The following MAP4K3 variants were observed in gnomAD, a reference collection of about 807,000 sequenced individuals.
MAP4K3 encodes MAPK/ERK kinase kinase kinase 3.
MAP4K3 carries 94 observed loss-of-function variants against 143.5 expected under a neutral mutation model. That is an observed-to-expected ratio of 0.65 (90% CI 0.55 to 0.78). The LOEUF is 0.78. Ranked by LOEUF, MAP4K3 falls within the 30% of genes least tolerant of loss-of-function variation. MAP4K3 has a pLI of 0.00. For synonymous variants in MAP4K3, 416 were observed against 347.2 expected, an observed-to-expected ratio of 1.20 and a Z score of -2.20; for missense variants, 1,077 against 1,068.1, an observed-to-expected ratio of 1.01 and a Z score of -0.12.
chr2:39,254,401 T>G, intron 32 of MAP4K3, 49 bp downstream of exon 32: 1 of 1,426,812 alleles, frequency 7.0e-7, no homozygotes, highest in East Asian at 2.3e-5. Flanking sequence ...CTGTTTGAAG[T>G]GGAATTTGAT....
intron 4 of MAP4K3, among the ~76,000 whole-genome samples, chr2:39,338,399 A>G (rs1665042940): frequency 6.6e-6 from 1 of 152,206 alleles, no homozygotes; most frequent in South Asian, 2.1e-4. Context: ...TAAAGTTCCA[A>G]TCAATAGAAA....
chr2:39,416,037 A>G (rs1572505781), intron 1 of MAP4K3, among the ~76,000 whole-genome samples: 1 of 132,842 alleles, frequency 7.5e-6, no homozygotes, highest in Non-Finnish European at 1.6e-5. Context: ...AATTCCCTCT[A>G]TCACTATCTT....
intron 15 of MAP4K3, 35 bp from the exon 16 acceptor site, chr2:39,299,836 T>A: frequency 8.7e-7 from 1 of 1,149,230 alleles, no homozygotes; most frequent in South Asian, 1.6e-5. Context: ...AGCACAATAG[T>A]AGTATATGAC....
intron 1 of MAP4K3, among the ~76,000 whole-genome samples, chr2:39,397,219 C>T (rs1368152765): frequency 6.6e-6 from 1 of 152,106 alleles, no homozygotes; most frequent in African/African-American, 2.4e-5. Context: ...ATAGTACTCA[C>T]CAACTCCATA....
intron 13 of MAP4K3, among the ~76,000 whole-genome samples, chr2:39,312,773 A>G (rs1201896455): frequency 6.6e-6 from 1 of 152,238 alleles, no homozygotes; most frequent in Non-Finnish European, 1.5e-5. Flanking sequence ...AAACTAACAT[A>G]TACCTCATCT....
At chr2:39,352,371 T>C (rs1319428268) in intron 3 of MAP4K3, among the ~76,000 whole-genome samples, 2 of 152,192 alleles carry the variant, frequency 1.3e-5, no homozygotes, top group Non-Finnish European at 2.9e-5. Flanking sequence ...TGTCTCCATT[T>C]TCTTAACTTA....
At chr2:39,335,276 G>A (rs920779275) in intron 6 of MAP4K3, among the ~76,000 whole-genome samples, 7 of 152,096 alleles carry the variant, frequency 4.6e-5, no homozygotes, top group South Asian at 2.1e-4. Flanking sequence ...CCCTTTGGTC[G>A]CCAAGCAGAA....
intron 3 of MAP4K3, among the ~76,000 whole-genome samples, chr2:39,353,404 T>C (rs1041036854): frequency 1.3e-5 from 2 of 152,216 alleles, no homozygotes; most frequent in African/African-American, 4.8e-5. Context: ...CAAATCACTT[T>C]GATCAGCTAT....
chr2:39,258,793 C>G (rs1219630756), intron 29 of MAP4K3, among the ~76,000 whole-genome samples: 1 of 152,202 alleles, frequency 6.6e-6, no homozygotes, highest in African/African-American at 2.4e-5. Flanking sequence ...CATATGTTGG[C>G]TGTTGTCAAT....
chr2:39,341,496 A>T (rs1255335998), intron 4 of MAP4K3, among the ~76,000 whole-genome samples: 1 of 151,682 alleles, frequency 6.6e-6, no homozygotes, highest in Non-Finnish European at 1.5e-5. Flanking sequence ...ATCTCTACTA[A>T]AAATATAAAA....
chr2:39,251,374 G>T (rs951681261), intron 33 of MAP4K3, among the ~76,000 whole-genome samples: 1 of 152,182 alleles, frequency 6.6e-6, no homozygotes, highest in African/African-American at 2.4e-5. Context: ...GCTTTTAAGA[G>T]AATTCAGCTG....
In MAP4K3 at chr2:39,284,992, A is replaced by G. The variant is rs377331080; in HGVS notation, c.1587+1860T>C. On this transcript the variant is annotated intron_variant, in intron 21 of 33. Transcript: ENST00000263881. ...ACTTTAACCTCAACCTCCTGGGCTC[A>G]TGTGATTCTCCTGTCTCAGCCTCCT... 4.0e-5 allele frequency among the ~76,000 whole-genome samples: 6 copies of G among 151,898 alleles called. No individual in the cohort carries two copies. In the East Asian group the frequency reaches 1.2e-3, roughly 30 times the overall value.
intron 2 of MAP4K3, among the ~76,000 whole-genome samples, chr2:39,365,917 G>C (rs1011872939): frequency 6.6e-6 from 1 of 152,172 alleles, no homozygotes; most frequent in African/African-American, 2.4e-5. Flanking sequence ...ACATGTAAAA[G>C]TGTTTTAAAG....
intron 3 of MAP4K3, among the ~76,000 whole-genome samples, chr2:39,348,352 T>C (rs1665355570): frequency 6.6e-6 from 1 of 152,038 alleles, no homozygotes; most frequent in South Asian, 2.1e-4. Context: ...GAAAAAAAAA[T>C]CACGACTATA....
rs534078242 is a variant in MAP4K3 at position 39,374,539 on chromosome 2, G to A, written c.154+3527C>T. 5.3e-5 allele frequency among the ~76,000 whole-genome samples: 8 copies of A among 151,682 alleles called. 1 individual carries two copies. In the South Asian group the frequency reaches 1.3e-3, roughly 24 times the overall value. On this transcript the variant is annotated intron_variant, in intron 2 of 33. Transcript: ENST00000263881. ...TCTACTAAAAATACAAAAATTAGCC[G>A]GGCGTGGTGGTGCACCCCTGTAATC... is the stretch of plus-strand genomic sequence containing the variant.
At chr2:39,359,882 G>C (rs1281940769) in intron 2 of MAP4K3, among the ~76,000 whole-genome samples, 4 of 152,216 alleles carry the variant, frequency 2.6e-5, no homozygotes, top group African/African-American at 9.7e-5. Context: ...CCTGGGCCTG[G>C]CCCACAGTAC....
At chr2:39,330,735 C>T (rs998926200) in intron 8 of MAP4K3, among the ~76,000 whole-genome samples, 1 of 152,070 alleles carries the variant, frequency 6.6e-6, no homozygotes, top group Non-Finnish European at 1.5e-5. Flanking sequence ...TATACAGAGG[C>T]ATCTTACAAA....
intron 2 of MAP4K3, among the ~76,000 whole-genome samples, chr2:39,370,103 T>A (rs564228463): frequency 7.2e-5 from 11 of 152,226 alleles, no homozygotes; most frequent in African/African-American, 2.7e-4. Context: ...AACAGAGGAC[T>A]GAGAATAAGA....
chr2:39,285,177 G>A (rs1681716606), intron 21 of MAP4K3, among the ~76,000 whole-genome samples: 2 of 151,996 alleles, frequency 1.3e-5, no homozygotes, highest in African/African-American at 4.8e-5. Flanking sequence ...CAGATGTGAC[G>A]GCTGTAAATA....
Sources: allele counts gnomAD v4.1 joint callset (sites outside exome capture counted in the v4.1 genomes callset), GRCh38; gene constraint gnomAD v4.1.1; transcripts MANE v1.5; gene names NCBI Gene and HGNC (gene_info 2026-07-23, HGNC 2026-07-21).